SNIP1: variants seen among roughly 807,000 people sequenced by gnomAD.
SNIP1 encodes Smad nuclear interacting protein 1, also known as smad nuclear-interacting protein 1.
Under a neutral mutation model 37.4 loss-of-function variants are expected in SNIP1, and 23 were observed. The observed-to-expected ratio is 0.61, with a 90% CI of 0.44 to 0.87. SNIP1 has a LOEUF of 0.87. SNIP1 is among the 40% of genes least tolerant of loss of function. The probability of loss-of-function intolerance (pLI) is 0.00; values close to 1 mark genes in which losing one functional copy is unlikely to be tolerated. For missense variants in SNIP1, 459 were observed against 540.4 expected (o/e 0.85, Z 1.49); for synonymous variants, 174 against 200.0 (o/e 0.87, Z 1.10).
intron 2 of SNIP1, among the ~76,000 whole-genome samples, chr1:37,552,196 TAGAAGTTGAC>T (rs1209894249): frequency 6.6e-5 from 10 of 152,192 alleles, no homozygotes; most frequent in African/African-American, 2.4e-4. Context: ...AAGAACAGAT[TAGAAGTTGAC>T]AGAAGTTAAG....
intron 2 of SNIP1, among the ~76,000 whole-genome samples, chr1:37,542,043 T>A (rs1167764540): frequency 6.6e-6 from 1 of 152,238 alleles, no homozygotes; most frequent in Non-Finnish European, 1.5e-5. Flanking sequence ...TTGAGAACTT[T>A]CAACTTTTCG....
chr1:37,552,550 G>A, intron 2 of SNIP1, 95 bp downstream of exon 2: 1 of 1,038,142 alleles, frequency 9.6e-7, no homozygotes. Context: ...ACGTGCACAT[G>A]TGTGCACACA....
At chr1:37,548,338 AAC>A (rs951925195) in intron 2 of SNIP1, among the ~76,000 whole-genome samples, 3 of 151,362 alleles carry the variant, frequency 2.0e-5, no homozygotes, top group African/African-American at 7.3e-5. Context: ...TTTTTTTTAA[AAC>A]AGTCTTGCTC....
At position 37,537,900 on chromosome 1, in the gene SNIP1, G is replaced by A; in HGVS notation, c.1039C>T (p.Gln347Ter). 1.9e-6 allele frequency: 3 copies of A among 1,614,170 alleles called. No homozygotes were observed. The highest frequency in any genetic ancestry group is 1.7e-6 in the Non-Finnish European group (2 of 1,180,048). ...TTTTCTTTTAGTTCATAGTATCTCTGTGGCTCAATACGTTTGTTGTTTAAG... is the reference window on the plus strand; with the variant it reads ...TTTTCTTTTAGTTCATAGTATCTCTATGGCTCAATACGTTTGTTGTTTAAG... ...TFLNNKRIEP[Q>*]RYYELKEKDV... The change falls in exon 4 of 4, where the codon CAG (glutamine) becomes TAG (stop). Residue 347 changes from glutamine (Q) to a stop codon, truncating the protein, a stop_gained. Coordinates refer to ENST00000296215, the MANE Select transcript of SNIP1 (RefSeq NM_024700.4). LOFTEE classifies it high-confidence loss of function.
chr1:37,540,685 C>T lies in SNIP1; in HGVS notation c.398G>A (p.Arg133Lys). Reference sequence around the variant, plus strand: ...GTCCCGGTCACTGTTCCTAGCTCTCCTGTGTTCCTGTTCTGATGGTTCCCT... The same window carrying T: ...GTCCCGGTCACTGTTCCTAGCTCTCTTGTGTTCCTGTTCTGATGGTTCCCT... ...QHREPSEQEH[R>K]RARNSDRDRH... Residue 133 changes from arginine (R) to lysine (K), a missense_variant, in exon 3 of 4, where the codon AGG (arginine) becomes AAG (lysine). Arg to Lys is a conservative substitution (Grantham distance 26). Coordinates refer to ENST00000296215, the MANE Select transcript of SNIP1 (RefSeq NM_024700.4). This position sits in a 1 kb window ranked among gnomAD's most constrained non-coding sequence, Gnocchi z 5.6. 6.2e-7 allele frequency: 1 copy of T among 1,614,068 alleles called. No homozygotes were observed. The highest frequency in any genetic ancestry group is 8.5e-7 in the Non-Finnish European group (1 of 1,180,020).
rs1643161845 is a variant in SNIP1, at chr1:37,540,577, G to A, written c.506C>T (p.Thr169Ile). The A allele has an allele frequency of 6.2e-7, 1 of 1,614,066 alleles. No homozygotes were observed. The highest frequency in any genetic ancestry group is 1.3e-5 in the African/African-American group (1 of 74,992). The change falls in exon 3 of 4, where the codon ACT (threonine) becomes ATT (isoleucine). Residue 169 changes from threonine to isoleucine, a missense_variant. Transcript: ENST00000296215. The surrounding 1 kb of genome is among the most constrained non-coding windows in gnomAD (Gnocchi z 5.6). The part of the protein sequence containing the change: ...SGQGQGRDRD[T>I]QNLQAQEEER... ...TTCTTCCTGAGCCTGCAGGTTCTGA[G>A]TGTCTCGATCCCGTCCCTGACCCTG...
chr1:37,546,630 C>T (rs1010545233), intron 2 of SNIP1, among the ~76,000 whole-genome samples: 2 of 152,018 alleles, frequency 1.3e-5, no homozygotes, highest in Non-Finnish European at 2.9e-5. Flanking sequence ...GCCAAGATTG[C>T]ACCACTGCAC....
rs897354658 is a variant in SNIP1 at position 37,537,632 on chromosome 1, G to GT, written c.*115dup. ...AGCAACAGAGGAAAGACTTAAGGCA[G>GT]TAAGAGGCATTACAGAGAGCACCAT... On this transcript the variant is annotated 3_prime_UTR_variant, in exon 4 of 4. Coordinates refer to ENST00000296215, the MANE Select transcript of SNIP1 (RefSeq NM_024700.4). 42 of 1,079,212 alleles carry GT rather than the reference G, an allele frequency of 3.9e-5. No individual in the cohort carries two copies. The highest frequency in any genetic ancestry group is 5.5e-5 in the Non-Finnish European group (41 of 739,476). The allele number at this position is 1,079,212 out of a possible 1,614,324, so 66.9% of individuals were successfully genotyped here. A position where few individuals can be genotyped will look rare whatever the true frequency, so the allele number is the denominator to read the frequency against.
chr1:37,554,021 G>A lies in SNIP1; in HGVS notation c.209C>T (p.Ala70Val), dbSNP rs1643331960. ...PARSGHRGNR[A>V]RGVSRSPPKK... is the part of the protein sequence containing the mutation. ...CCCCACTTACCGGCTAACTCCTCGG[G>A]CTCGGTTCCCGCGGTGGCCCGAGCG... Residue 70 changes from alanine to valine, a missense_variant, in exon 1 of 4, where the codon GCC (alanine) becomes GTC (valine). Physicochemically the swap from Ala to Val is moderately conservative, Grantham distance 64 (BLOSUM62 0). Transcript: ENST00000296215. The A allele has an allele frequency of 1.3e-6, 2 of 1,569,766 alleles. No homozygotes were observed. The highest frequency in any genetic ancestry group is 1.7e-6 in the Non-Finnish European group (2 of 1,157,766).
rs750675550 is a variant in SNIP1, at chr1:37,540,287, T to G, written c.796A>C (p.Asn266His). 3 of 1,614,200 alleles carry G rather than the reference T, an allele frequency of 1.9e-6. No homozygotes were observed. The highest frequency in any genetic ancestry group is 2.5e-6 in the Non-Finnish European group (3 of 1,180,040). ...TACATGACTGGAAGCACCTCATCATTTTTAAATGGGTAGAGACGCCACCGT... is the reference window on the plus strand; with the variant it reads ...TACATGACTGGAAGCACCTCATCATGTTTAAATGGGTAGAGACGCCACCGT... ...KKRWRLYPFK[N>H]DEVLPVMYIH... is the part of the protein sequence containing the mutation. The change falls in exon 3 of 4, where the codon AAT (asparagine) becomes CAT (histidine). Residue 266 changes from asparagine (N) to histidine (H), a missense_variant. By Grantham distance (68) the Asn-to-His change is moderately conservative. Transcript: ENST00000296215. This position sits in a 1 kb window ranked among gnomAD's most constrained non-coding sequence, Gnocchi z 5.6.
intron 2 of SNIP1, among the ~76,000 whole-genome samples, chr1:37,550,780 T>C (rs1570029200): frequency 1.3e-5 from 2 of 151,286 alleles, no homozygotes; most frequent in African/African-American, 4.9e-5. Flanking sequence ...AAGATACATA[T>C]AGATGGCAAA....
Position 37,554,134 on chromosome 1 carries a change from C to G in SNIP1, c.96G>C (p.Glu32Asp). ...GAGGTGCGACTTCTGGGCTGAGACG[C>G]TCCTGCTTCACCACCACCCCCGCCG... ...VLPAGVVVKQERLSPEVAPPA... is the reference protein window; with the variant it reads ...VLPAGVVVKQDRLSPEVAPPA... The change falls in exon 1 of 4, where the codon GAG (glutamate) becomes GAC (aspartate). Residue 32 changes from glutamate (E) to aspartate (D), a missense_variant. Physicochemically the swap from Glu to Asp is conservative, Grantham distance 45. Coordinates refer to ENST00000296215, the MANE Select transcript of SNIP1 (RefSeq NM_024700.4). 1 of 1,613,070 alleles carries G rather than the reference C, an allele frequency of 6.2e-7. No individual in the cohort carries two copies. Among genetic ancestry groups the G allele is most frequent in the Non-Finnish European group, 8.5e-7 (1 of 1,179,636 alleles).
rs1298394304 is a variant in SNIP1 at position 37,540,708 on chromosome 1, C to T, written c.375G>A (p.Arg125=). The T allele has an allele frequency of 4.3e-6, 7 of 1,613,502 alleles. No individual in the cohort carries two copies. The highest frequency in any genetic ancestry group is 5.9e-6 in the Non-Finnish European group (7 of 1,179,868). ...TCCTGTGTTCCTGTTCTGATGGTTC[C>T]CTGTGCTGCCGATCCTCCCGTCCTC... The part of the protein sequence containing the change: ...PRRGREDRQH[R]EPSEQEHRRA... The change falls in exon 3 of 4, where the codon AGG becomes AGA. Residue 125 remains arginine (R), a synonymous_variant. Transcript: ENST00000296215. The surrounding 1 kb of genome is among the most constrained non-coding windows in gnomAD (Gnocchi z 5.6).
chr1:37,552,600 A>T (rs760232759), intron 2 of SNIP1, 45 bp downstream of exon 2: 1 of 1,469,910 alleles, frequency 6.8e-7, no homozygotes, highest in Non-Finnish European at 9.5e-7. Flanking sequence ...TGTGATAGGA[A>T]AAGGCTCTCA....
At chr1:37,543,897 T>C (rs368326635) in intron 2 of SNIP1, among the ~76,000 whole-genome samples, 1 of 150,866 alleles carries the variant, frequency 6.6e-6, no homozygotes, top group East Asian at 2.0e-4. Flanking sequence ...TCCCAGCACT[T>C]TGGGAGGGCA....
At chr1:37,545,146 T>C in intron 2 of SNIP1, 1 of 734,332 alleles carries the variant, frequency 1.4e-6, no homozygotes, top group Non-Finnish European at 2.5e-6. Flanking sequence ...TTTGTGTGAC[T>C]TCACTGAAAC....
At chr1:37,539,401 A>C (rs1176862763) in intron 3 of SNIP1, among the ~76,000 whole-genome samples, 1 of 152,098 alleles carries the variant, frequency 6.6e-6, no homozygotes, top group Non-Finnish European at 1.5e-5. Context: ...AAGTCAGGAG[A>C]CCATGTTAAA....
chr1:37,545,038 C>T (rs1370420879), intron 2 of SNIP1: 5 of 757,466 alleles, frequency 6.6e-6, no homozygotes, highest in Non-Finnish European at 1.2e-5. Context: ...ACTGGGAGAG[C>T]AGGCTGAATG....
Position 37,537,546 on chromosome 1 carries a change from T to C in SNIP1, c.*202A>G. On this transcript the variant is annotated 3_prime_UTR_variant, in exon 4 of 4. Coordinates refer to ENST00000296215, the MANE Select transcript of SNIP1 (RefSeq NM_024700.4). Reference sequence around the variant, plus strand: ...AATGCCTGCAGGCATGTGGCCAAGGTGCCACAGAAAAAGTTTAACAAACAT... The same window carrying C: ...AATGCCTGCAGGCATGTGGCCAAGGCGCCACAGAAAAAGTTTAACAAACAT... 1.8e-6 allele frequency: 1 copy of C among 558,774 alleles called. No homozygotes were observed. The highest frequency in any genetic ancestry group is 2.7e-5 in the South Asian group (1 of 37,004). The allele number at this position is 558,774 out of a possible 1,614,324, so 34.6% of individuals were successfully genotyped here. A position where few individuals can be genotyped will look rare whatever the true frequency, so the allele number is the denominator to read the frequency against.
Sources: gnomAD v4.1 joint callset for allele counts (sites outside exome capture counted in the v4.1 genomes callset) on GRCh38, gnomAD v4.1.1 for gene constraint, Gnocchi (gnomAD v3.1) non-coding constraint, MANE v1.5 for transcripts, NCBI Gene and HGNC (gene_info 2026-07-23, HGNC 2026-07-21) for gene names.